The following UHRF2 variants were observed in gnomAD, a reference collection of about 807,000 sequenced individuals.
UHRF2 encodes E3 ubiquitin-protein ligase UHRF2.
Under a neutral mutation model 96.8 loss-of-function variants are expected in UHRF2, and 23 were observed. That is an observed-to-expected ratio of 0.24 (90% confidence interval 0.17 to 0.34). The LOEUF is 0.34. Ranked by LOEUF, UHRF2 falls within the 10% of genes least tolerant of loss-of-function variation. The pLI, the probability that UHRF2 is intolerant of heterozygous loss-of-function variation, is 1.00. For missense variants in UHRF2, 685 were observed against 981.5 expected, an observed-to-expected ratio of 0.70 and a Z score of 4.04; for synonymous variants, 385 against 332.6, an observed-to-expected ratio of 1.16 and a Z score of -1.72.
intron 1 of UHRF2, among the ~76,000 whole-genome samples, chr9:6,416,452 A>G (rs1240983587): frequency 6.6e-6 from 1 of 150,994 alleles, no homozygotes; most frequent in Non-Finnish European, 1.5e-5. Flanking sequence ...TGCTGTGAAC[A>G]TTCTTATCTG....
At chr9:6,416,969 C>T (rs553565392) in intron 1 of UHRF2, among the ~76,000 whole-genome samples, 2 of 152,202 alleles carry the variant, frequency 1.3e-5, no homozygotes, top group South Asian at 2.1e-4. Flanking sequence ...AGTTGCCTCT[C>T]CCACTTGGTT....
intron 2 of UHRF2, among the ~76,000 whole-genome samples, chr9:6,425,256 A>C (rs2169286): frequency 0.26 from 39,768 of 152,110 alleles, 6,775 homozygotes; most frequent in African/African-American, 0.48. Context: ...ACTCATGATC[A>C]AATTGTTCCA....
intron 3 of UHRF2, among the ~76,000 whole-genome samples, chr9:6,444,642 C>G (rs1054272029): frequency 6.6e-6 from 1 of 152,076 alleles, no homozygotes; most frequent in African/African-American, 2.4e-5. Context: ...GCTCTTGTTG[C>G]TTAGGCTGGA....
rs1315850396 is a variant in UHRF2, at chr9:6,497,178, A to C, written c.1605-20A>C. The C allele has an allele frequency of 6.2e-7, 1 of 1,610,174 alleles. No individual in the cohort carries two copies. Among genetic ancestry groups the C allele is most frequent in the Non-Finnish European group, 8.5e-7 (1 of 1,178,536 alleles). ...TGAAGAAAAATTACATGGTATAAAG[A>C]CTTCTTTGTTGTTTTTTAGGGCATT... On this transcript the variant is annotated intron_variant, in intron 10 of 15. Transcript: ENST00000276893.
intron 2 of UHRF2, among the ~76,000 whole-genome samples, chr9:6,430,047 T>C (rs1338388593): frequency 1.3e-5 from 2 of 152,236 alleles, no homozygotes; most frequent in Non-Finnish European, 2.9e-5. Flanking sequence ...GGAGTTTTAC[T>C]CTTTTTGCCC....
At chr9:6,413,799 C>G in intron 1 of UHRF2, 156 bp downstream of exon 1, 1 of 959,896 alleles carries the variant, frequency 1.0e-6, no homozygotes, top group Non-Finnish European at 1.4e-6. Context: ...GGTGCGGGGC[C>G]CAGTCCCGCC....
chr9:6,455,938 A>G (rs1822149296), intron 3 of UHRF2, among the ~76,000 whole-genome samples: 1 of 152,304 alleles, frequency 6.6e-6, no homozygotes, highest in South Asian at 2.1e-4. Context: ...GGGCATGATC[A>G]CACCACTGCA....
At chr9:6,426,276 T>C (rs1381668466) in intron 2 of UHRF2, among the ~76,000 whole-genome samples, 1 of 152,242 alleles carries the variant, frequency 6.6e-6, no homozygotes, top group East Asian at 1.9e-4. Flanking sequence ...TTCTATTTCC[T>C]ATTACTATGT....
At position 6,448,052 on chromosome 9, in the gene UHRF2, G is replaced by T. The variant is rs191010836; in HGVS notation, c.645-12521G>T. 1.5e-3 allele frequency among the ~76,000 whole-genome samples: 234 copies of T among 152,312 alleles called. 1 individual carries two copies. The highest frequency in any genetic ancestry group is 5.5e-3 in the African/African-American group (228 of 41,564). ...GATTCAATATAGGAGGTAATGGAAG[G>T]AGATGCTAGCATGAAAGCTGTGGAC... On this transcript the variant is annotated intron_variant, in intron 3 of 15. Coordinates refer to ENST00000276893, the MANE Select transcript of UHRF2 (RefSeq NM_152896.3).
intron 2 of UHRF2, among the ~76,000 whole-genome samples, chr9:6,431,292 A>G (rs1023397571): frequency 1.3e-5 from 2 of 152,198 alleles, no homozygotes; most frequent in Non-Finnish European, 1.5e-5. Flanking sequence ...TTAGTAGGGT[A>G]CTTACTATAT....
In UHRF2 at chr9:6,506,305, C is replaced by T. The variant is rs1816580316; in HGVS notation, c.*126C>T. The T allele has an allele frequency of 1.6e-6, 2 of 1,223,762 alleles. No individual in the cohort carries two copies. Among genetic ancestry groups the T allele is most frequent in the African/African-American group, 3.0e-5 (2 of 65,966 alleles). The allele number at this position is 1,223,762 out of a possible 1,614,324, so 75.8% of individuals were successfully genotyped here. On this transcript the variant is annotated 3_prime_UTR_variant, in exon 16 of 16. Coordinates refer to ENST00000276893, the MANE Select transcript of UHRF2 (RefSeq NM_152896.3). The stretch of plus-strand genomic sequence containing the variant: ...GTTCTGAAGCAGCTAATCCTCTTTC[C>T]CACATAGCCATCATCTTGTGTGTGT...
intron 2 of UHRF2, among the ~76,000 whole-genome samples, chr9:6,430,156 G>A (rs1381037): frequency 0.72 from 109,001 of 152,064 alleles, 40,732 homozygotes; most frequent in South Asian, 0.83. Context: ...GATTACAGGT[G>A]CATGCCACCA....
intron 6 of UHRF2, 60 bp from the exon 7 acceptor site, chr9:6,481,583 C>A: frequency 1.3e-6 from 2 of 1,571,196 alleles, no homozygotes; most frequent in South Asian, 1.2e-5. Context: ...GGCTAATATT[C>A]TGTTACTAGC....
At chr9:6,441,327 T>C (rs1821148866) in intron 3 of UHRF2, among the ~76,000 whole-genome samples, 1 of 151,838 alleles carries the variant, frequency 6.6e-6, no homozygotes, top group South Asian at 2.1e-4. Context: ...TGAGTGAAGA[T>C]TGTGCCATTG....
At chr9:6,473,299 G>A (rs1038173054) in intron 4 of UHRF2, among the ~76,000 whole-genome samples, 4 of 152,198 alleles carry the variant, frequency 2.6e-5, no homozygotes, top group African/African-American at 9.7e-5. Flanking sequence ...TGAGTCCATA[G>A]TAACACAGTC....
chr9:6,429,710 T>C (rs547738433), intron 2 of UHRF2, among the ~76,000 whole-genome samples: 5 of 152,234 alleles, frequency 3.3e-5, no homozygotes, highest in Admixed American at 6.5e-5. Flanking sequence ...GTGTGTACTA[T>C]ATGCTTGCTG....
intron 10 of UHRF2, chr9:6,495,599 A>G (rs1238066760): frequency 6.6e-6 from 1 of 152,206 alleles, no homozygotes; most frequent in African/African-American, 2.4e-5. Context: ...TCAAACTTTA[A>G]GAAACTGAAG....
At chr9:6,446,869 A>C (rs1233013092) in intron 3 of UHRF2, among the ~76,000 whole-genome samples, 2 of 151,518 alleles carry the variant, frequency 1.3e-5, no homozygotes, top group African/African-American at 2.4e-5. Flanking sequence ...CAAACAAATA[A>C]TACTTATAAG....
intron 9 of UHRF2, among the ~76,000 whole-genome samples, chr9:6,487,818 T>A (rs1356732314): frequency 6.6e-6 from 1 of 152,260 alleles, no homozygotes; most frequent in Non-Finnish European, 1.5e-5. Flanking sequence ...GAGCTTTTTT[T>A]GGTCATTCTT....
Sources: allele counts gnomAD v4.1 joint callset (sites outside exome capture counted in the v4.1 genomes callset), GRCh38; gene constraint gnomAD v4.1.1; transcripts MANE v1.5; gene names NCBI Gene and HGNC (gene_info 2026-07-23, HGNC 2026-07-21).